The following PALLD variants were observed in gnomAD, a reference collection of about 807,000 sequenced individuals.
PALLD encodes the protein palladin.
Under a neutral mutation model 123.5 loss-of-function variants are expected in PALLD, and 61 were observed. The ratio of observed to expected loss-of-function variants is 0.49; its 90% CI spans 0.40 to 0.61. PALLD has a LOEUF of 0.61. PALLD is among the 20% of genes least tolerant of loss of function. The pLI is 0.00. For missense variants in PALLD, 1,273 were observed against 1,377.0 expected (o/e 0.92, Z 1.20); for synonymous variants, 465 against 496.4 (o/e 0.94, Z 0.84).
In PALLD at chr4:168,545,529, C is replaced by CAA. The variant is rs5863940; in HGVS notation, c.908+33127_908+33128dup. ...GGGCAACAAGAGAGAAACTCTGTCT[C>CAA]AAAAAAAAAAAGAACTCAGTTTCTT... is the stretch of plus-strand genomic sequence containing the variant. On this transcript the variant is annotated intron_variant, in intron 2 of 21. Transcript: ENST00000505667. Among the ~76,000 whole-genome samples, 61 of 146,294 alleles carry CAA rather than the reference C, an allele frequency of 4.2e-4. No individual in the cohort carries two copies. The South Asian group carries it at 5.2e-3, about 12-fold the overall frequency.
At chr4:168,704,683 AAAAT>A (rs200786319) in intron 8 of PALLD, among the ~76,000 whole-genome samples, 11,770 of 138,186 alleles carry the variant, frequency 0.085, 509 homozygotes, top group African/African-American at 0.14. Context: ...AAAAAAAAAA[AAAAT>A]GTGTATGTTG....
intron 10 of PALLD, among the ~76,000 whole-genome samples, chr4:168,796,793 C>A (rs1025475096): frequency 9.2e-5 from 14 of 152,006 alleles, no homozygotes; most frequent in African/African-American, 2.9e-4. Flanking sequence ...GGATGGATAC[C>A]CACTTACCTT....
intron 10 of PALLD, among the ~76,000 whole-genome samples, chr4:168,854,045 A>G (rs751655666): frequency 5.3e-5 from 8 of 152,208 alleles, no homozygotes; most frequent in Non-Finnish European, 1.0e-4. Context: ...TGTGGGTTCT[A>G]TTATTACCCC....
intron 2 of PALLD, among the ~76,000 whole-genome samples, chr4:168,600,053 A>ACG (rs1491402337): frequency 7.5e-6 from 1 of 133,644 alleles, no homozygotes; most frequent in African/African-American, 2.6e-5. Flanking sequence ...GTATACACAC[A>ACG]TATATACATA....
At chr4:168,884,262 C>T (rs530313459) in intron 10 of PALLD, among the ~76,000 whole-genome samples, 2 of 152,274 alleles carry the variant, frequency 1.3e-5, no homozygotes, top group South Asian at 2.1e-4. Flanking sequence ...TTCTGAATTA[C>T]GTTAGTCCAG....
At position 168,783,044 on chromosome 4, in the gene PALLD, A is replaced by ATGTGTGTG. The variant is rs373278434; in HGVS notation, c.1964+71122_1964+71123insGTGTGTGT. On this transcript the variant is annotated intron_variant, in intron 10 of 21. Coordinates refer to ENST00000505667, the MANE Select transcript of PALLD (RefSeq NM_001166108.2). ...ATTTCTACTCACAAATTTTATATAT[A>ATGTGTGTG]TATGTGTGTGTGTGTGTGTGTGTGT... 1.0e-2 allele frequency among the ~76,000 whole-genome samples: 822 copies of ATGTGTGTG among 82,232 alleles called. 9 individuals are homozygous for ATGTGTGTG. The highest frequency in any genetic ancestry group is 0.027 in the African/African-American group (761 of 28,190). 53.9% of individuals were successfully genotyped at this position (82,232 alleles called of 152,430 possible). A position where few individuals can be genotyped will look rare whatever the true frequency, so the allele number is the denominator to read the frequency against.
In PALLD at chr4:168,511,904, A is replaced by C. The variant is rs1762561362; in HGVS notation, c.400A>C (p.Ile134Leu). Residue 134 changes from isoleucine (I) to leucine (L), a missense_variant, in exon 2 of 22, where the codon ATC becomes CTC. Physicochemically the swap from Ile to Leu is conservative, Grantham distance 5 (BLOSUM62 2). This residue lies in a region of PALLD where 944 missense variants were observed against 954.5 expected (regional missense o/e 0.99). Coordinates refer to ENST00000505667, the MANE Select transcript of PALLD (RefSeq NM_001166108.2). Reference sequence around the variant, plus strand: ...ACCCCTGCTCACCAGGCCCAGCTACATCCGGAGCCTCCGAAAGGCTGAAAA... The same window carrying C: ...ACCCCTGCTCACCAGGCCCAGCTACCTCCGGAGCCTCCGAAAGGCTGAAAA... Reference protein sequence around the residue: ...MSPLLTRPSYIRSLRKAEKRG... With the variant: ...MSPLLTRPSYLRSLRKAEKRG... 2 of 1,614,060 alleles carry C rather than the reference A, an allele frequency of 1.2e-6. No homozygotes were observed.
intron 2 of PALLD, among the ~76,000 whole-genome samples, chr4:168,645,990 C>T (rs1439814745): frequency 3.3e-5 from 5 of 152,180 alleles, no homozygotes; most frequent in Admixed American, 6.5e-5. Flanking sequence ...AACCGGGAGA[C>T]GACCTCACAG....
At chr4:168,515,679 A>T (rs917584114) in intron 2 of PALLD, among the ~76,000 whole-genome samples, 1 of 152,210 alleles carries the variant, frequency 6.6e-6, no homozygotes, top group Non-Finnish European at 1.5e-5. Flanking sequence ...AGTAGGATCA[A>T]GATACAGGAG....
intron 2 of PALLD, among the ~76,000 whole-genome samples, chr4:168,594,321 A>G (rs1475708558): frequency 2.0e-5 from 3 of 152,208 alleles, no homozygotes; most frequent in African/African-American, 7.2e-5. Context: ...AAGGCATGTG[A>G]AAGCTTAGAA....
intron 2 of PALLD, among the ~76,000 whole-genome samples, chr4:168,611,068 C>G (rs1315450145): frequency 2.6e-5 from 4 of 152,146 alleles, no homozygotes; most frequent in Non-Finnish European, 4.4e-5. Flanking sequence ...TGGAAGCTGT[C>G]CATGATTACA....
At chr4:168,881,986 T>C (rs1752674282) in intron 10 of PALLD, among the ~76,000 whole-genome samples, 1 of 152,200 alleles carries the variant, frequency 6.6e-6, no homozygotes, top group South Asian at 2.1e-4. Flanking sequence ...TCTTTTGCCA[T>C]CTTCACATTC....
chr4:168,576,313 C>G (rs183553193), intron 2 of PALLD, among the ~76,000 whole-genome samples: 22 of 151,784 alleles, frequency 1.4e-4, no homozygotes, highest in Admixed American at 3.9e-4. Flanking sequence ...TGTACATGTG[C>G]CATGTTGGTG....
At chr4:168,551,779 A>G (rs1346009980) in intron 2 of PALLD, among the ~76,000 whole-genome samples, 1 of 152,078 alleles carries the variant, frequency 6.6e-6, no homozygotes, top group Non-Finnish European at 1.5e-5. Context: ...CAAACCAAGG[A>G]CAACTCTCCA....
intron 2 of PALLD, among the ~76,000 whole-genome samples, chr4:168,634,691 G>A (rs903919019): frequency 7.2e-5 from 11 of 152,138 alleles, no homozygotes; most frequent in Non-Finnish European, 1.0e-4. Flanking sequence ...AATGATTTGC[G>A]GTCAGAGTGA....
At chr4:168,569,423 T>C (rs764083448) in intron 2 of PALLD, among the ~76,000 whole-genome samples, 1 of 152,144 alleles carries the variant, frequency 6.6e-6, no homozygotes, top group Non-Finnish European at 1.5e-5. Flanking sequence ...TGTAAATACT[T>C]GGGGACTTTT....
At chr4:168,747,169 T>C (rs1056177749) in intron 10 of PALLD, among the ~76,000 whole-genome samples, 38 of 152,260 alleles carry the variant, frequency 2.5e-4, no homozygotes, top group Non-Finnish European at 4.9e-4. Context: ...TATTTATCTT[T>C]TGTGCTCTGA....
intron 2 of PALLD, among the ~76,000 whole-genome samples, chr4:168,612,387 T>G (rs1773820044): frequency 6.6e-6 from 1 of 152,132 alleles, no homozygotes; most frequent in African/African-American, 2.4e-5. Flanking sequence ...TAGTGATAAT[T>G]CTGATCCCAG....
At chr4:168,841,890 T>C (rs894037524) in intron 10 of PALLD, among the ~76,000 whole-genome samples, 1 of 152,248 alleles carries the variant, frequency 6.6e-6, no homozygotes, top group Admixed American at 6.5e-5. Context: ...ATTACTCTGA[T>C]AGTGAAAGAT....
Sources: allele counts gnomAD v4.1 joint callset (sites outside exome capture counted in the v4.1 genomes callset), GRCh38; gene constraint gnomAD v4.1.1; regional missense constraint gnomAD v4.1.1; transcripts MANE v1.5; gene names NCBI Gene and HGNC (gene_info 2026-07-23, HGNC 2026-07-21).